DGKH: variants seen among roughly 807,000 people sequenced by gnomAD.
DGKH encodes diacylglycerol kinase eta.
DGKH carries 90 observed loss-of-function variants against 159.3 expected under a neutral mutation model. That is an observed-to-expected ratio of 0.57 (90% confidence interval 0.48 to 0.67). DGKH has a LOEUF of 0.67. Ranked by LOEUF, DGKH falls within the 30% of genes least tolerant of loss-of-function variation. The probability of loss-of-function intolerance (pLI) is 0.00; values close to 1 mark genes in which losing one functional copy is unlikely to be tolerated. For missense variants in DGKH, 1,181 were observed against 1,506.1 expected (o/e 0.78, Z 3.57); for synonymous variants, 536 against 553.8 (o/e 0.97, Z 0.45).
At position 42,190,475 on chromosome 13, in the gene DGKH, A is replaced by AT; in HGVS notation, c.1986dup (p.Glu663Ter). 6.2e-7 allele frequency: 1 copy of AT among 1,611,620 alleles called. No individual in the cohort carries two copies. Among genetic ancestry groups the AT allele is most frequent in the Non-Finnish European group, 8.5e-7 (1 of 1,179,062 alleles). Reference sequence around the variant, plus strand: ...TCTGATTATGACAGCACAGAAACAGATGAATCTAAGGAGGAAGCTAAAGAT... The same window carrying AT: ...TCTGATTATGACAGCACAGAAACAGATTGAATCTAAGGAGGAAGCTAAAGAT... On this transcript the variant is annotated frameshift_variant, in exon 16 of 30. Coordinates refer to ENST00000337343, the MANE Select transcript of DGKH (RefSeq NM_178009.5). LOFTEE classifies it high-confidence loss of function.
intron 3 of DGKH, among the ~76,000 whole-genome samples, chr13:42,132,786 C>A (rs188420441): frequency 1.8e-3 from 274 of 152,242 alleles, no homozygotes; most frequent in Non-Finnish European, 3.1e-3. Flanking sequence ...ATAGTCCCAG[C>A]CACTCAGGAG....
rs377083317 is a variant in DGKH at position 42,100,485 on chromosome 13, G to A, written c.193-26978G>A. On this transcript the variant is annotated intron_variant, in intron 1 of 29. Coordinates refer to ENST00000337343, the MANE Select transcript of DGKH (RefSeq NM_178009.5). ...GATCCATGGAAAAACTGTCTTTCAC[G>A]AAACCGGTCCCTGGTGCTAAAAAGG... Among the ~76,000 whole-genome samples, 25 of 151,970 alleles carry A rather than the reference G, an allele frequency of 1.6e-4. No homozygotes were observed. In the East Asian group the frequency reaches 4.6e-3, roughly 28 times the overall value.
chr13:42,199,990 G>A, intron 20 of DGKH, 81 bp downstream of exon 20: 1 of 1,186,520 alleles, frequency 8.4e-7, no homozygotes. Context: ...TGACCTAAAT[G>A]CGTTTTGATT....
At chr13:42,062,369 T>A (rs1882243228) in intron 1 of DGKH, among the ~76,000 whole-genome samples, 1 of 152,144 alleles carries the variant, frequency 6.6e-6, no homozygotes, top group Non-Finnish European at 1.5e-5. Flanking sequence ...TTAGGTAAAA[T>A]AGGGCTAGAG....
intron 1 of DGKH, among the ~76,000 whole-genome samples, chr13:42,081,929 T>C (rs1954208604): frequency 2.0e-5 from 3 of 152,220 alleles, no homozygotes. Context: ...ACATCTTATT[T>C]ATTTTTGTAT....
Position 42,242,567 on chromosome 13 carries a change from A to C in DGKH, c.*13379A>C, listed in dbSNP as rs1958534282. ...TGGCATAATTTTAAAAATATATACAATTGAGATATTTATTGCCTACTATTT... is the reference window on the plus strand; with the variant it reads ...TGGCATAATTTTAAAAATATATACACTTGAGATATTTATTGCCTACTATTT... On this transcript the variant is annotated 3_prime_UTR_variant, in exon 30 of 30. Transcript: ENST00000337343. The C allele has an allele frequency of 6.6e-6, 1 of 152,212 alleles. No individual in the cohort carries two copies. Among genetic ancestry groups the C allele is most frequent in the Non-Finnish European group, 1.5e-5 (1 of 68,022 alleles). 9.4% of individuals were successfully genotyped at this position (152,212 alleles called of 1,614,324 possible).
At chr13:42,224,552 C>T (rs1231532284) in intron 29 of DGKH, among the ~76,000 whole-genome samples, 1 of 152,178 alleles carries the variant, frequency 6.6e-6, no homozygotes, top group East Asian at 1.9e-4. Context: ...TTAGCATCAT[C>T]AATCAGGTGT....
chr13:42,107,283 C>A (rs1486424796), intron 1 of DGKH, among the ~76,000 whole-genome samples: 1 of 152,170 alleles, frequency 6.6e-6, no homozygotes, highest in African/African-American at 2.4e-5. Context: ...ATGAAGAACC[C>A]AAGGTGGGAG....
Position 42,231,790 on chromosome 13 carries a change from A to G in DGKH, c.*2602A>G, listed in dbSNP as rs1009156163. 6.6e-6 allele frequency: 1 copy of G among 152,164 alleles called. No homozygotes were observed. Among genetic ancestry groups the G allele is most frequent in the Admixed American group, 6.5e-5 (1 of 15,280 alleles). The allele number at this position is 152,164 out of a possible 1,614,324, so 9.4% of individuals were successfully genotyped here. A position where few individuals can be genotyped will look rare whatever the true frequency, so the allele number is the denominator to read the frequency against. On this transcript the variant is annotated 3_prime_UTR_variant, in exon 30 of 30. Coordinates refer to ENST00000337343, the MANE Select transcript of DGKH (RefSeq NM_178009.5). ...TCTTTTGTATATGCTGTAAAGTCTC[A>G]GTTAATGGAATCCTACAGTGCATTT...
At chr13:42,160,824 A>G (rs1956163092) in intron 7 of DGKH, among the ~76,000 whole-genome samples, 1 of 152,230 alleles carries the variant, frequency 6.6e-6, no homozygotes, top group Admixed American at 6.5e-5. Flanking sequence ...TTTGGAAGCC[A>G]GCCTCAAATT....
chr13:42,244,095 T>C (rs1029482377), downstream of DGKH, among the ~76,000 whole-genome samples: 1 of 152,132 alleles, frequency 6.6e-6, no homozygotes, highest in East Asian at 1.9e-4. Flanking sequence ...TTCTGATAAC[T>C]GAAGAGGGAA....
chr13:42,049,511 CG>C (rs1226471578), intron 1 of DGKH, among the ~76,000 whole-genome samples: 12 of 152,212 alleles, frequency 7.9e-5, no homozygotes, highest in Non-Finnish European at 1.6e-4. Context: ...AAGGTGACAC[CG>C]GTCAGCCTTT....
intron 30 of DGKH, among the ~76,000 whole-genome samples, chr13:42,255,006 G>A (rs1308055787): frequency 6.6e-6 from 1 of 151,880 alleles, no homozygotes; most frequent in Non-Finnish European, 1.5e-5. Context: ...TTGACTAATT[G>A]TTGAAAATAT....
intron 16 of DGKH, among the ~76,000 whole-genome samples, chr13:42,193,364 T>G (rs1360081638): frequency 6.6e-6 from 1 of 152,210 alleles, no homozygotes; most frequent in Non-Finnish European, 1.5e-5. Flanking sequence ...GATATTGAAA[T>G]AGACAGAGAT....
At chr13:42,164,020 A>G (rs529690434) in intron 7 of DGKH, among the ~76,000 whole-genome samples, 1 of 152,142 alleles carries the variant, frequency 6.6e-6, no homozygotes, top group Non-Finnish European at 1.5e-5. Flanking sequence ...TCTTTAATCC[A>G]TCTTGAATTG....
At chr13:42,059,305 A>T (rs531640140) in intron 1 of DGKH, among the ~76,000 whole-genome samples, 1 of 151,514 alleles carries the variant, frequency 6.6e-6, no homozygotes, top group African/African-American at 2.4e-5. Context: ...GCTGGAGTGC[A>T]GTGGCATGAT....
rs532210811 is a variant in DGKH at position 42,040,621 on chromosome 13, C to G, written c.-13+495C>G. Among the ~76,000 whole-genome samples, 39 of 150,940 alleles carry G rather than the reference C, an allele frequency of 2.6e-4. No individual in the cohort carries two copies. The South Asian group carries it at 7.9e-3, about 31-fold the overall frequency. On this transcript the variant is annotated intron_variant, in intron 1 of 29. Coordinates refer to the DGKH transcript ENST00000379274. Reference sequence around the variant, plus strand: ...CGGCGGTGGCGGGGAGCGGACCGCTCGGAGCCGCGCAGGGGAGCGGGACCG... The same window carrying G: ...CGGCGGTGGCGGGGAGCGGACCGCTGGGAGCCGCGCAGGGGAGCGGGACCG...
chr13:42,072,683 T>C (rs1051163597), intron 1 of DGKH, among the ~76,000 whole-genome samples: 3 of 152,240 alleles, frequency 2.0e-5, no homozygotes, highest in Non-Finnish European at 4.4e-5. Flanking sequence ...CAGGGTGATG[T>C]ATGTGGAGTT....
At chr13:42,174,575 T>TAC (rs1212245799) in intron 12 of DGKH, among the ~76,000 whole-genome samples, 2 of 152,258 alleles carry the variant, frequency 1.3e-5, no homozygotes, top group Admixed American at 1.3e-4. Flanking sequence ...TTATTCATCT[T>TAC]CTACTTTGGC....
Sources: gnomAD v4.1 joint callset for allele counts (sites outside exome capture counted in the v4.1 genomes callset) on GRCh38, gnomAD v4.1.1 for gene constraint, MANE v1.5 for transcripts, NCBI Gene and HGNC (gene_info 2026-07-23, HGNC 2026-07-21) for gene names.